Variants in NRXN3 observed in about 807,000 individuals in gnomAD.
The protein encoded by NRXN3 is neurexin III.
In NRXN3, 32 loss-of-function variants were observed where a neutral mutation model predicts 137.6. That is an observed-to-expected ratio of 0.23 (90% CI 0.18 to 0.31). NRXN3 has a LOEUF of 0.31. Among genes scored for constraint, NRXN3 ranks in the 10% least tolerant of loss-of-function variants. The pLI is 1.00. For synonymous variants in NRXN3, 798 were observed against 784.5 expected (o/e 1.02, Z -0.29); for missense variants, 1,574 against 2,062.5 (o/e 0.76, Z 4.59).
intron 16 of NRXN3, among the ~76,000 whole-genome samples, chr14:79,503,581 T>C (rs1184394861): frequency 1.3e-5 from 2 of 152,214 alleles, no homozygotes; most frequent in East Asian, 1.9e-4. Flanking sequence ...TGCTCTGATA[T>C]GCCTTCCCAG....
chr14:78,793,512 G>T (rs1051490023), intron 8 of NRXN3, among the ~76,000 whole-genome samples: 1 of 152,126 alleles, frequency 6.6e-6, no homozygotes, highest in African/African-American at 2.4e-5. Flanking sequence ...ATGGAAAAAG[G>T]CGCATGGGGG....
At chr14:78,278,960 A>T (rs987684775) in intron 3 of NRXN3, among the ~76,000 whole-genome samples, 3 of 152,204 alleles carry the variant, frequency 2.0e-5, no homozygotes, top group African/African-American at 7.2e-5. Flanking sequence ...AGTTGTTCTT[A>T]GATATGTATT....
chr14:78,623,354 C>CGT (rs911758335), intron 4 of NRXN3, among the ~76,000 whole-genome samples: 3 of 152,122 alleles, frequency 2.0e-5, no homozygotes, highest in African/African-American at 7.2e-5. Context: ...CAATCTCTAA[C>CGT]GTGTGAAAAA....
intron 1 of NRXN3, among the ~76,000 whole-genome samples, chr14:78,173,163 G>C (rs1290076541): frequency 6.6e-6 from 1 of 152,048 alleles, no homozygotes; most frequent in Non-Finnish European, 1.5e-5. Context: ...AGCAAACGGG[G>C]ATGTGGGGGG....
At chr14:78,915,608 T>G (rs950404318) in intron 10 of NRXN3, among the ~76,000 whole-genome samples, 1 of 152,126 alleles carries the variant, frequency 6.6e-6, no homozygotes, top group African/African-American at 2.4e-5. Flanking sequence ...CACTGTAATG[T>G]GATAGGCAGA....
intron 15 of NRXN3, among the ~76,000 whole-genome samples, chr14:79,464,513 A>G (rs1452420457): frequency 6.6e-6 from 1 of 152,160 alleles, no homozygotes; most frequent in Non-Finnish European, 1.5e-5. Context: ...AGCACTGAGA[A>G]TTACTGGTAG....
chr14:78,313,539 A>G (rs928462358), intron 4 of NRXN3, among the ~76,000 whole-genome samples: 5 of 152,116 alleles, frequency 3.3e-5, no homozygotes, highest in Non-Finnish European at 7.4e-5. Context: ...CTGAATGATT[A>G]CATGGCATTA....
chr14:78,713,439 C>T (rs1305010752), intron 7 of NRXN3, among the ~76,000 whole-genome samples: 3 of 152,168 alleles, frequency 2.0e-5, no homozygotes, highest in African/African-American at 7.2e-5. Context: ...TTCACTTTTA[C>T]CTGCCTAGAG....
At position 79,808,251 on chromosome 14, in the gene NRXN3, A is replaced by T. The variant is rs1466995400; in HGVS notation, c.4093+3061A>T. Among the ~76,000 whole-genome samples the T allele has an allele frequency of 3.9e-3, 523 of 133,732 alleles. 4 individuals are homozygous for T. The highest frequency in any genetic ancestry group is 0.01 in the African/African-American group (321 of 31,214). The allele number at this position is 133,732 out of a possible 152,430, so 87.7% of individuals were successfully genotyped here. On this transcript the variant is annotated intron_variant, in intron 20 of 20. Transcript: ENST00000335750. ...GACTCTCTCTCAATTAAAAAAAAAA[A>T]AAAAATATATATATATATATATATG...
Position 78,593,383 on chromosome 14 carries a change from C to G in NRXN3, c.758-51737C>G, listed in dbSNP as rs190120189. ...GGAGGCCTTCTGAGAGGCCAGGGAA[C>G]CACCTGAGGCACAGGGGCAGGATGT... On this transcript the variant is annotated intron_variant, in intron 4 of 20. Transcript: ENST00000335750. 7.2e-5 allele frequency among the ~76,000 whole-genome samples: 11 copies of G among 152,310 alleles called. No individual in the cohort carries two copies. The East Asian group carries it at 2.1e-3, about 30-fold the overall frequency.
At chr14:78,312,035 A>T (rs1053081604) in intron 4 of NRXN3, among the ~76,000 whole-genome samples, 2 of 152,090 alleles carry the variant, frequency 1.3e-5, no homozygotes, top group African/African-American at 4.8e-5. Flanking sequence ...CTGACTTCAG[A>T]TGTTGTTTTC....
chr14:78,910,582 CA>C (rs2099234407), intron 10 of NRXN3, among the ~76,000 whole-genome samples: 1 of 152,032 alleles, frequency 6.6e-6, no homozygotes, highest in South Asian at 2.1e-4. Context: ...GCTTGAATGT[CA>C]TTCCTCAAAA....
chr14:78,495,134 CGTGCGT>C (rs908120708), intron 4 of NRXN3, among the ~76,000 whole-genome samples: 11 of 23,910 alleles, frequency 4.6e-4, no homozygotes, highest in Admixed American at 4.3e-3. Flanking sequence ...TGTGTGTGTG[CGTGCGT>C]GTGTGTGTGT....
At chr14:79,053,456 A>G (rs1339117204) in intron 15 of NRXN3, among the ~76,000 whole-genome samples, 1 of 152,216 alleles carries the variant, frequency 6.6e-6, no homozygotes, top group East Asian at 1.9e-4. Context: ...ACTATAATGC[A>G]TTGAATAATG....
In NRXN3 at chr14:79,862,999, G is replaced by A. The variant is rs1274564660; in HGVS notation, c.*1035G>A. The A allele has an allele frequency of 6.6e-6, 1 of 152,562 alleles. No individual in the cohort carries two copies. Among genetic ancestry groups the A allele is most frequent in the African/African-American group, 2.4e-5 (1 of 41,442 alleles). The allele number at this position is 152,562 out of a possible 1,614,324, so 9.5% of individuals were successfully genotyped here. A position where few individuals can be genotyped will look rare whatever the true frequency, so the allele number is the denominator to read the frequency against. ...GGGGAGGTGGGCTGGATCTGTGACT[G>A]ATTGAAATGCATGCAAATAAAAAAG... is the stretch of plus-strand genomic sequence containing the variant. On this transcript the variant is annotated 3_prime_UTR_variant, in exon 21 of 21. Coordinates refer to ENST00000335750, the MANE Select transcript of NRXN3 (RefSeq NM_001330195.2).
At chr14:79,516,136 G>A (rs914622034) in intron 16 of NRXN3, among the ~76,000 whole-genome samples, 5 of 152,148 alleles carry the variant, frequency 3.3e-5, no homozygotes, top group African/African-American at 9.7e-5. Flanking sequence ...TTAGGTCTTT[G>A]CAGATCAATT....
intron 15 of NRXN3, among the ~76,000 whole-genome samples, chr14:79,083,324 C>T (rs945856393): frequency 6.6e-6 from 1 of 152,166 alleles, no homozygotes; most frequent in Non-Finnish European, 1.5e-5. Context: ...TGGATGGGAA[C>T]CACACGAGGG....
chr14:79,031,785 AT>A (rs1202912337), intron 15 of NRXN3, among the ~76,000 whole-genome samples: 7 of 152,198 alleles, frequency 4.6e-5, no homozygotes, highest in Non-Finnish European at 1.5e-5. Flanking sequence ...ATTTTATAGT[AT>A]AAACATGTTA....
chr14:79,536,838 T>A (rs2097215965), intron 16 of NRXN3, among the ~76,000 whole-genome samples: 2 of 152,284 alleles, frequency 1.3e-5, no homozygotes, highest in Admixed American at 1.3e-4. Flanking sequence ...ATATACCACA[T>A]TGTCTTTGTC....
Sources: gnomAD v4.1 joint callset for allele counts (sites outside exome capture counted in the v4.1 genomes callset) on GRCh38, gnomAD v4.1.1 for gene constraint, MANE v1.5 for transcripts, NCBI Gene and HGNC (gene_info 2026-07-23, HGNC 2026-07-21) for gene names.